Variants in CNBD2 observed in about 807,000 individuals in gnomAD.
CNBD2 encodes the protein cyclic nucleotide-binding domain-containing protein 2.
A neutral mutation model predicts 63.7 loss-of-function variants in CNBD2; 64 were observed. The ratio of observed to expected loss-of-function variants is 1.00; its 90% CI spans 0.82 to 1.24. The LOEUF is 1.24. Ranked by LOEUF, CNBD2 falls within the 50% of genes most tolerant of loss-of-function variation. The pLI is 0.00. For missense variants in CNBD2, 691 were observed against 713.5 expected, an observed-to-expected ratio of 0.97 and a Z score of 0.36; for synonymous variants, 229 against 255.4, an observed-to-expected ratio of 0.90 and a Z score of 0.99.
At chr20:35,955,987 C>T (rs184379101), downstream of CNBD2, among the ~76,000 whole-genome samples, 86 of 152,308 alleles carry the variant, frequency 5.6e-4, no homozygotes, top group African/African-American at 1.8e-3. Context: ...TCCCAAAGTG[C>T]TGGCATTACA....
upstream of CNBD2, among the ~76,000 whole-genome samples, chr20:35,964,947 C>T (rs1297031222): frequency 6.6e-6 from 1 of 151,974 alleles, no homozygotes; most frequent in Non-Finnish European, 1.5e-5. Context: ...GTGATCTGTC[C>T]ACCTTGGTCT....
intron 2 of CNBD2, chr20:35,974,320 G>T (rs2056467671): frequency 6.5e-6 from 1 of 153,758 alleles, no homozygotes; most frequent in Non-Finnish European, 1.5e-5. Context: ...AGGACCTCCT[G>T]ACTCTCAGGG....
At chr20:36,010,055 ACTGGTATGAGG>A (rs1292352378) in intron 9 of CNBD2, among the ~76,000 whole-genome samples, 1 of 152,116 alleles carries the variant, frequency 6.6e-6, no homozygotes, top group Non-Finnish European at 1.5e-5. Flanking sequence ...GATTGTCACG[ACTGGTATGAGG>A]CAGATGCACA....
intron 11 of CNBD2, among the ~76,000 whole-genome samples, chr20:36,024,072 A>G (rs980263278): frequency 1.3e-5 from 2 of 152,244 alleles, no homozygotes; most frequent in Non-Finnish European, 2.9e-5. Flanking sequence ...GCGATGGCTC[A>G]CGCCTATAAT....
exon 1 of CNBD2, chr20:35,955,238 A>G (rs1057388055): frequency 1.3e-5 from 2 of 154,202 alleles, no homozygotes; most frequent in South Asian, 2.1e-4. Flanking sequence ...GAGATGTGCT[A>G]TATTGTAAAA....
chr20:35,980,524 G>C lies in CNBD2; in HGVS notation c.309G>C (p.Glu103Asp). 6.2e-7 allele frequency: 1 copy of C among 1,614,202 alleles called. No homozygotes were observed. Residue 103 changes from glutamate to aspartate, a missense_variant, in exon 4 of 12, where the codon GAG becomes GAC. Coordinates refer to ENST00000373973, the MANE Select transcript of CNBD2 (RefSeq NM_001365709.1). ...QKKPSWRTED[E>D]IQAVCNILQV... is the part of the protein sequence containing the mutation. Reference sequence around the variant, plus strand: ...AGCCTTCCTGGAGAACAGAGGATGAGATCCAGGCCGTCTGTAACATCTTGC... The same window carrying C: ...AGCCTTCCTGGAGAACAGAGGATGACATCCAGGCCGTCTGTAACATCTTGC...
upstream of CNBD2, chr20:35,954,462 C>G (rs2056226497): frequency 1.9e-6 from 3 of 1,548,370 alleles, no homozygotes; most frequent in East Asian, 2.4e-5. Context: ...ACCAGCGAAG[C>G]GCCTGCGGCA....
At chr20:35,995,193 G>A in intron 8 of CNBD2, 41 bp downstream of exon 8, 2 of 1,391,172 alleles carry the variant, frequency 1.4e-6, no homozygotes, top group South Asian at 2.3e-5. Context: ...GGGCGCCTGG[G>A]CCTGTCCTGT....
intron 11 of CNBD2, among the ~76,000 whole-genome samples, chr20:36,028,674 G>C (rs549855890): frequency 2.0e-4 from 22 of 107,536 alleles, no homozygotes; most frequent in African/African-American, 1.0e-3. Context: ...GCTTAAGGGC[G>C]TCACGGGCTG....
chr20:35,960,935 C>G (rs1038116493), intron 2 of CNBD2, among the ~76,000 whole-genome samples: 2 of 151,312 alleles, frequency 1.3e-5, no homozygotes, highest in African/African-American at 4.9e-5. Context: ...GTCGCCACCC[C>G]CCTCCTCCCG....
chr20:35,968,515 C>T (rs2056366696), upstream of CNBD2: 1 of 411,918 alleles, frequency 2.4e-6, no homozygotes, highest in Admixed American at 3.8e-5. Context: ...TAGACTCCCA[C>T]ATTCCAATCC....
upstream of CNBD2, chr20:35,954,543 C>A: frequency 6.6e-7 from 1 of 1,505,032 alleles, no homozygotes; most frequent in South Asian, 1.2e-5. Context: ...CGCTTGCGGG[C>A]TCCCGGAAGC....
At chr20:36,027,867 T>A (rs988509615) in intron 11 of CNBD2, among the ~76,000 whole-genome samples, 1 of 152,096 alleles carries the variant, frequency 6.6e-6, no homozygotes, top group South Asian at 2.1e-4. Flanking sequence ...GGTTTCACCA[T>A]GTTGGCCAGG....
At chr20:36,020,429 A>G (rs756222325) in intron 10 of CNBD2, among the ~76,000 whole-genome samples, 3 of 152,136 alleles carry the variant, frequency 2.0e-5, no homozygotes, top group Non-Finnish European at 4.4e-5. Flanking sequence ...GTAACATGAG[A>G]ATAAGAATAG....
chr20:36,006,927 T>A (rs1456435615), intron 8 of CNBD2, among the ~76,000 whole-genome samples: 1 of 152,148 alleles, frequency 6.6e-6, no homozygotes, highest in Non-Finnish European at 1.5e-5. Context: ...TGGTGGCTCA[T>A]GCCTGTAATC....
chr20:36,026,606 G>C (rs2057285620), intron 11 of CNBD2, among the ~76,000 whole-genome samples: 1 of 152,174 alleles, frequency 6.6e-6, no homozygotes, highest in African/African-American at 2.4e-5. Flanking sequence ...ACTCACTCCA[G>C]CAGCCCAGGC....
intron 8 of CNBD2, among the ~76,000 whole-genome samples, chr20:35,999,274 G>A (rs1023330886): frequency 2.6e-5 from 4 of 152,100 alleles, no homozygotes; most frequent in Non-Finnish European, 5.9e-5. Context: ...TTATTGAGAT[G>A]CCTAATCATT....
chr20:36,027,966 C>T (rs1478782309), intron 11 of CNBD2, among the ~76,000 whole-genome samples: 4 of 151,998 alleles, frequency 2.6e-5, no homozygotes, highest in South Asian at 2.1e-4. Context: ...GTGCCCAGCC[C>T]GGAAAATCAT....
chr20:36,024,828 A>C (rs1322080180), intron 11 of CNBD2, among the ~76,000 whole-genome samples: 4 of 151,190 alleles, frequency 2.6e-5, no homozygotes, highest in Non-Finnish European at 5.9e-5. Flanking sequence ...CCAGCTACTC[A>C]GGAGGCTGAG....
Sources: allele counts gnomAD v4.1 joint callset (sites outside exome capture counted in the v4.1 genomes callset), GRCh38; gene constraint gnomAD v4.1.1; transcripts MANE v1.5; gene names NCBI Gene and HGNC (gene_info 2026-07-23, HGNC 2026-07-21).